DGKB: variants seen among roughly 807,000 people sequenced by gnomAD.
DGKB encodes the protein 90 kDa diacylglycerol kinase.
DGKB carries 67 observed loss-of-function variants against 114.3 expected under a neutral mutation model. That is an observed-to-expected ratio of 0.59 (90% CI 0.48 to 0.72). DGKB has a LOEUF of 0.72. Among genes scored for constraint, DGKB ranks in the 30% least tolerant of loss-of-function variants. DGKB has a pLI of 0.00. For synonymous variants in DGKB, 398 were observed against 323.1 expected, an observed-to-expected ratio of 1.23 and a Z score of -2.49; for missense variants, 907 against 975.2, an observed-to-expected ratio of 0.93 and a Z score of 0.93.
chr7:14,575,949 A>G (rs1799058741), intron 19 of DGKB, among the ~76,000 whole-genome samples: 1 of 152,178 alleles, frequency 6.6e-6, no homozygotes, highest in African/African-American at 2.4e-5. Context: ...TGTTCAATTA[A>G]CTATTAGAAG....
chr7:14,486,895 A>G (rs749668188), intron 20 of DGKB, among the ~76,000 whole-genome samples: 2 of 152,230 alleles, frequency 1.3e-5, no homozygotes, highest in Non-Finnish European at 2.9e-5. Context: ...TACATTATGC[A>G]TTAAACATTT....
intron 1 of DGKB, among the ~76,000 whole-genome samples, chr7:14,960,063 A>AGAT (rs1786751699): frequency 6.6e-6 from 1 of 152,004 alleles, no homozygotes; most frequent in African/African-American, 2.4e-5. Flanking sequence ...CACAGGCATG[A>AGAT]GATACAAATT....
chr7:14,577,806 T>C (rs946770894), intron 19 of DGKB, among the ~76,000 whole-genome samples: 2 of 152,160 alleles, frequency 1.3e-5, no homozygotes, highest in Non-Finnish European at 2.9e-5. Flanking sequence ...TGAAAATATA[T>C]TCCTATAAAA....
At chr7:14,229,542 A>G (rs1791388452) in intron 23 of DGKB, among the ~76,000 whole-genome samples, 1 of 152,010 alleles carries the variant, frequency 6.6e-6, no homozygotes, top group Admixed American at 6.6e-5. Context: ...ATACGTGAAT[A>G]GATATGGATA....
At chr7:14,697,935 G>C (rs1309709425) in intron 8 of DGKB, among the ~76,000 whole-genome samples, 160 bp downstream of exon 8, 1 of 148,134 alleles carries the variant, frequency 6.8e-6, no homozygotes, top group Non-Finnish European at 1.5e-5. Flanking sequence ...AAGAAAGAGG[G>C]AGAGAAACAG....
At chr7:14,546,116 A>G (rs1794243689) in intron 20 of DGKB, among the ~76,000 whole-genome samples, 1 of 152,226 alleles carries the variant, frequency 6.6e-6, no homozygotes, top group Non-Finnish European at 1.5e-5. Flanking sequence ...CATTGCAAAC[A>G]TCTTTGGAGG....
intron 5 of DGKB, among the ~76,000 whole-genome samples, chr7:14,729,440 C>T (rs1400603596): frequency 1.3e-5 from 2 of 152,146 alleles, no homozygotes; most frequent in African/African-American, 4.8e-5. Context: ...TCCCTAACAA[C>T]TTGAACAGTA....
intron 1 of DGKB, among the ~76,000 whole-genome samples, chr7:14,915,868 G>C (rs1251402714): frequency 6.6e-6 from 1 of 152,088 alleles, no homozygotes; most frequent in East Asian, 1.9e-4. Flanking sequence ...AAAATATATA[G>C]TTCAGAAATT....
chr7:14,644,493 G>A (rs912623560), intron 13 of DGKB, among the ~76,000 whole-genome samples: 9 of 152,118 alleles, frequency 5.9e-5, no homozygotes, highest in African/African-American at 2.2e-4. Context: ...AAGAATTCAT[G>A]ATCTGAATGA....
chr7:14,722,432 C>G (rs938258141), intron 5 of DGKB, among the ~76,000 whole-genome samples: 2 of 152,066 alleles, frequency 1.3e-5, no homozygotes, highest in African/African-American at 4.8e-5. Flanking sequence ...TAGCTCATTT[C>G]TTTTTATCAC....
chr7:14,842,862 A>C (rs1031240938), intron 1 of DGKB, among the ~76,000 whole-genome samples: 6 of 152,208 alleles, frequency 3.9e-5, no homozygotes, highest in African/African-American at 1.4e-4. Flanking sequence ...TTCCTGTCTA[A>C]ACCTGACTCT....
intron 23 of DGKB, among the ~76,000 whole-genome samples, chr7:14,273,817 A>G (rs907088789): frequency 1.2e-4 from 18 of 152,134 alleles, no homozygotes; most frequent in African/African-American, 4.3e-4. Flanking sequence ...CTTTTTTAAA[A>G]TTTAGTTCAT....
chr7:14,344,717 T>A (rs1257381976), intron 22 of DGKB, among the ~76,000 whole-genome samples: 1 of 151,436 alleles, frequency 6.6e-6, no homozygotes, highest in Non-Finnish European at 1.5e-5. Flanking sequence ...GTCTTTTTTT[T>A]TTACAGACCT....
At chr7:14,646,335 A>C (rs915827787) in intron 13 of DGKB, among the ~76,000 whole-genome samples, 2 of 152,176 alleles carry the variant, frequency 1.3e-5, no homozygotes, top group Non-Finnish European at 2.9e-5. Flanking sequence ...CAATTATAGA[A>C]AAGTAAATAA....
At chr7:14,592,484 A>G (rs1801870602) in intron 17 of DGKB, among the ~76,000 whole-genome samples, 1 of 151,966 alleles carries the variant, frequency 6.6e-6, no homozygotes, top group Non-Finnish European at 1.5e-5. Flanking sequence ...ACAAGATTAG[A>G]TGGATTCAAA....
chr7:14,293,254 A>T (rs1260392246), intron 23 of DGKB, among the ~76,000 whole-genome samples: 2 of 152,190 alleles, frequency 1.3e-5, no homozygotes, highest in African/African-American at 4.8e-5. Flanking sequence ...CTCTGCAGAA[A>T]TCATGTCAAG....
At chr7:14,749,395 A>G (rs1321607671) in intron 4 of DGKB, among the ~76,000 whole-genome samples, 1 of 152,134 alleles carries the variant, frequency 6.6e-6, no homozygotes, top group Non-Finnish European at 1.5e-5. Context: ...AGCACTTCAG[A>G]GTCACATACT....
At chr7:14,308,303 T>C (rs550715046) in intron 23 of DGKB, among the ~76,000 whole-genome samples, 6 of 152,180 alleles carry the variant, frequency 3.9e-5, no homozygotes, top group African/African-American at 1.4e-4. Flanking sequence ...TCATTATTTA[T>C]CCTTATGCAA....
chr7:14,373,120 G>A (rs1283547576), intron 21 of DGKB, among the ~76,000 whole-genome samples: 1 of 152,116 alleles, frequency 6.6e-6, no homozygotes, highest in African/African-American at 2.4e-5. Flanking sequence ...GACAAAATTC[G>A]AGTTAACGGC....
Sources: gnomAD v4.1 joint callset for allele counts (sites outside exome capture counted in the v4.1 genomes callset) on GRCh38, gnomAD v4.1.1 for gene constraint, MANE v1.5 for transcripts, NCBI Gene and HGNC (gene_info 2026-07-23, HGNC 2026-07-21) for gene names.